Variants in EPB41 observed in about 807,000 individuals in gnomAD.
EPB41 encodes the protein protein 4.1.
A neutral mutation model predicts 108.0 loss-of-function variants in EPB41; 65 were observed. The observed-to-expected ratio is 0.60, with a 90% CI of 0.49 to 0.74. EPB41 has a LOEUF of 0.74. EPB41 is among the 30% of genes least tolerant of loss of function. The probability of loss-of-function intolerance (pLI) is 0.00; values close to 1 mark genes in which losing one functional copy is unlikely to be tolerated. For synonymous variants in EPB41, 336 were observed against 358.9 expected, an observed-to-expected ratio of 0.94 and a Z score of 0.72; for missense variants, 875 against 1,037.0, an observed-to-expected ratio of 0.84 and a Z score of 2.15.
rs1201859469 is a variant in EPB41 at position 29,115,408 on chromosome 1, T to TA, written c.2497-281dup. Among the ~76,000 whole-genome samples the TA allele has an allele frequency of 1.4e-4, 21 of 147,318 alleles. No homozygotes were observed. Among genetic ancestry groups the TA allele is most frequent in the South Asian group, 4.3e-4 (2 of 4,636 alleles). ...ACTCCATCTCAACAACAACAAAAAATAAAAAAAAAATAAAGGATCATATAA... is the reference window on the plus strand; with the variant it reads ...ACTCCATCTCAACAACAACAAAAAATAAAAAAAAAAATAAAGGATCATATAA... On this transcript the variant is annotated intron_variant, in intron 19 of 20. Coordinates refer to ENST00000343067, the MANE Select transcript of EPB41 (RefSeq NM_001376013.1). This position sits in a 1 kb window ranked among gnomAD's most constrained non-coding sequence, Gnocchi z 4.4.
rs763112243 is a variant in EPB41 at position 29,018,177 on chromosome 1, TTTG to T, written c.906-34_906-32del. On this transcript the variant is annotated intron_variant, in intron 6 of 20. Transcript: ENST00000343067. The surrounding 1 kb of genome is among the most constrained non-coding windows in gnomAD (Gnocchi z 4.4). Reference sequence around the variant, plus strand: ...TTTTCTCCTTTTTCTCTCTTTATATTTTGTTGTTGTTGTTGCTGACATAACATT... The same window carrying T: ...TTTTCTCCTTTTTCTCTCTTTATATTTTGTTGTTGTTGCTGACATAACATT... 1.1e-4 allele frequency: 171 copies of T among 1,543,952 alleles called. No individual in the cohort carries two copies. The Middle Eastern group carries it at 2.1e-3, about 19-fold the overall frequency.
At chr1:29,047,944 C>T (rs568711755) in intron 11 of EPB41, among the ~76,000 whole-genome samples, 9 of 151,720 alleles carry the variant, frequency 5.9e-5, no homozygotes, top group East Asian at 3.9e-4. Context: ...CCACCATGCC[C>T]GGCTAATTTT....
At chr1:28,909,498 A>T (rs1047031351) in intron 1 of EPB41, among the ~76,000 whole-genome samples, 23 of 151,786 alleles carry the variant, frequency 1.5e-4, no homozygotes, top group Non-Finnish European at 3.1e-4. Flanking sequence ...TAAAATAAAT[A>T]AAAAAATAAA....
At chr1:29,111,403 TC>T in intron 18 of EPB41, among the ~76,000 whole-genome samples, 1 of 151,914 alleles carries the variant, frequency 6.6e-6, no homozygotes, top group East Asian at 1.9e-4. Context: ...ACACCTGTAA[TC>T]CCAGCACTTT....
At chr1:29,039,947 G>A (rs1640877897) in intron 11 of EPB41, among the ~76,000 whole-genome samples, 1 of 152,170 alleles carries the variant, frequency 6.6e-6, no homozygotes, top group South Asian at 2.1e-4. Flanking sequence ...GCTAGGTAGT[G>A]GTGGATCAAA....
chr1:29,024,497 G>A (rs1032581919), intron 7 of EPB41, among the ~76,000 whole-genome samples: 1 of 151,634 alleles, frequency 6.6e-6, no homozygotes, highest in Admixed American at 6.6e-5. Context: ...GCCGGGCTTG[G>A]TGGCACGCGC....
chr1:28,889,214 C>G (rs2089825141), intron 1 of EPB41, among the ~76,000 whole-genome samples: 1 of 152,148 alleles, frequency 6.6e-6, no homozygotes. Context: ...GTATGCAGAC[C>G]AGAACGGTAG....
At chr1:29,022,230 T>TA (rs1558052080) in intron 7 of EPB41, among the ~76,000 whole-genome samples, 1 of 151,952 alleles carries the variant, frequency 6.6e-6, no homozygotes, top group Admixed American at 6.6e-5. Context: ...TGCACAATGT[T>TA]AAAAAAATCA....
intron 2 of EPB41, among the ~76,000 whole-genome samples, chr1:28,992,044 A>G (rs1229528330): frequency 6.6e-6 from 1 of 152,216 alleles, no homozygotes; most frequent in African/African-American, 2.4e-5. Flanking sequence ...ACAAAAAAGT[A>G]GCAAATAAAA....
At chr1:28,980,794 GT>G (rs1227983608) in intron 1 of EPB41, among the ~76,000 whole-genome samples, 13,406 of 118,066 alleles carry the variant, frequency 0.11, 674 homozygotes, top group African/African-American at 0.22. Flanking sequence ...TATTCCAGGA[GT>G]TTTTTTTTTT....
intron 4 of EPB41, among the ~76,000 whole-genome samples, chr1:29,000,697 G>A (rs1026178205): frequency 3.7e-4 from 56 of 152,096 alleles, no homozygotes; most frequent in African/African-American, 1.3e-3. Flanking sequence ...GGCATCGACA[G>A]GTCTGTATGG....
At chr1:29,062,636 T>C (rs1331251648) in intron 15 of EPB41, among the ~76,000 whole-genome samples, 3 of 151,920 alleles carry the variant, frequency 2.0e-5, no homozygotes, top group Non-Finnish European at 4.4e-5. Flanking sequence ...TCTCAAGTTA[T>C]CTGTCACTCC....
chr1:29,113,846 A>G (rs186402826), intron 19 of EPB41, among the ~76,000 whole-genome samples: 10 of 152,212 alleles, frequency 6.6e-5, no homozygotes, highest in African/African-American at 1.4e-4. Context: ...GCTATGGTAC[A>G]CTCTGGCTGG....
intron 17 of EPB41, among the ~76,000 whole-genome samples, chr1:29,104,188 A>G (rs1438826474): frequency 6.6e-6 from 1 of 152,212 alleles, no homozygotes; most frequent in Non-Finnish European, 1.5e-5. Context: ...ATGCACATAA[A>G]TGTTTCCAAA....
At chr1:29,030,786 AAG>A (rs987046940) in intron 8 of EPB41, among the ~76,000 whole-genome samples, 2 of 151,852 alleles carry the variant, frequency 1.3e-5, no homozygotes, top group African/African-American at 4.8e-5. Flanking sequence ...AAAAAAAAAA[AAG>A]AGAGAGAAAT....
At chr1:28,939,277 C>T (rs1235267571) in intron 1 of EPB41, among the ~76,000 whole-genome samples, 1 of 151,800 alleles carries the variant, frequency 6.6e-6, no homozygotes, top group Non-Finnish European at 1.5e-5. Context: ...GTCTTTTATT[C>T]TATTGGTGTG....
intron 1 of EPB41, among the ~76,000 whole-genome samples, chr1:28,935,765 A>T (rs929163270): frequency 6.6e-6 from 1 of 151,764 alleles, no homozygotes; most frequent in African/African-American, 2.4e-5. Flanking sequence ...CTAAAAATAC[A>T]AAAATTAGCT....
chr1:29,043,070 A>G (rs1642104327), intron 11 of EPB41, among the ~76,000 whole-genome samples: 1 of 152,212 alleles, frequency 6.6e-6, no homozygotes, highest in Non-Finnish European at 1.5e-5. Context: ...GTGAGCACAC[A>G]AACATAGTCT....
chr1:28,922,595 G>A (rs1415522170), intron 1 of EPB41, among the ~76,000 whole-genome samples: 1 of 148,726 alleles, frequency 6.7e-6, no homozygotes, highest in African/African-American at 2.5e-5. Context: ...ACCGTGCCCC[G>A]CCAGTTTTAA....
Sources: allele counts gnomAD v4.1 joint callset (sites outside exome capture counted in the v4.1 genomes callset), GRCh38; gene constraint gnomAD v4.1.1; non-coding constraint Gnocchi (gnomAD v3.1); transcripts MANE v1.5; gene names NCBI Gene and HGNC (gene_info 2026-07-23, HGNC 2026-07-21).